The following UIMC1 variants were observed in gnomAD, a reference collection of about 807,000 sequenced individuals.
UIMC1 encodes the protein ubiquitin interaction motif containing 1, also known as BRCA1-A complex subunit RAP80.
In UIMC1, 42 loss-of-function variants were observed where a neutral mutation model predicts 84.9. The observed-to-expected ratio is 0.49, with a 90% CI of 0.39 to 0.64. UIMC1 has a LOEUF of 0.64. UIMC1 is among the 30% of genes least tolerant of loss of function. UIMC1 has a pLI of 0.00. For synonymous variants in UIMC1, 281 were observed against 293.0 expected (o/e 0.96, Z 0.42); for missense variants, 825 against 847.6 (o/e 0.97, Z 0.33).
intron 10 of UIMC1, among the ~76,000 whole-genome samples, chr5:176,941,710 G>C (rs1175012287): frequency 6.6e-6 from 1 of 152,164 alleles, no homozygotes; most frequent in Non-Finnish European, 1.5e-5. Flanking sequence ...ACCACAGAGA[G>C]CTGTGCTGAC....
chr5:176,913,093 G>A (rs1336416920), intron 10 of UIMC1, among the ~76,000 whole-genome samples: 2 of 152,160 alleles, frequency 1.3e-5, no homozygotes, highest in Non-Finnish European at 2.9e-5. Flanking sequence ...CTTTCCACAA[G>A]TCACCTCTTT....
intron 1 of UIMC1, among the ~76,000 whole-genome samples, chr5:176,987,371 C>A (rs1002787357): frequency 2.0e-5 from 3 of 151,666 alleles, no homozygotes; most frequent in African/African-American, 7.3e-5. Context: ...TCTGGCTGGG[C>A]ACAGTGGCTC....
chr5:176,968,187 C>A (rs994608399), intron 6 of UIMC1, among the ~76,000 whole-genome samples: 1 of 152,120 alleles, frequency 6.6e-6, no homozygotes, highest in Non-Finnish European at 1.5e-5. Flanking sequence ...GCCTAGCCAA[C>A]AGGGTAAAAC....
intron 10 of UIMC1, among the ~76,000 whole-genome samples, chr5:176,937,046 C>T (rs1040158781): frequency 3.3e-5 from 5 of 152,120 alleles, no homozygotes; most frequent in African/African-American, 1.2e-4. Context: ...ACAATAAATA[C>T]GTATTGAATG....
chr5:176,937,263 G>A (rs530477874), intron 10 of UIMC1, among the ~76,000 whole-genome samples: 10 of 152,296 alleles, frequency 6.6e-5, no homozygotes, highest in Admixed American at 1.3e-4. Flanking sequence ...TAGGGAGGCC[G>A]AGGTGGGCAG....
intron 6 of UIMC1, among the ~76,000 whole-genome samples, chr5:176,960,050 G>A (rs1449171247): frequency 6.6e-6 from 1 of 152,206 alleles, no homozygotes; most frequent in Non-Finnish European, 1.5e-5. Context: ...CAAAATTATT[G>A]TGCTTCTATT....
chr5:176,990,804 G>A (rs12187632), intron 1 of UIMC1, among the ~76,000 whole-genome samples: 19,766 of 151,742 alleles, frequency 0.13, 1,671 homozygotes, highest in East Asian at 0.19. Flanking sequence ...TTCCCAGGTA[G>A]GTAGGACTAC....
At chr5:176,922,741 G>A (rs1761858843) in intron 10 of UIMC1, among the ~76,000 whole-genome samples, 1 of 152,184 alleles carries the variant, frequency 6.6e-6, no homozygotes, top group South Asian at 2.1e-4. Context: ...TGGGTCAGAA[G>A]ATATGAATTA....
chr5:176,969,446 G>A, intron 5 of UIMC1, 155 bp from the exon 6 acceptor site: 3 of 1,257,264 alleles, frequency 2.4e-6, no homozygotes, highest in Non-Finnish European at 3.3e-6. Flanking sequence ...ATAAAAGTAT[G>A]CCGGATATTC....
chr5:176,970,591 A>G, intron 4 of UIMC1, 151 bp downstream of exon 4: 2 of 1,258,580 alleles, frequency 1.6e-6, no homozygotes, highest in Non-Finnish European at 2.3e-6. Flanking sequence ...CCAACAATTC[A>G]ACACAGACTT....
intron 8 of UIMC1, among the ~76,000 whole-genome samples, chr5:176,955,185 C>A (rs1766439957): frequency 6.6e-6 from 1 of 152,174 alleles, no homozygotes; most frequent in Admixed American, 6.5e-5. Context: ...TGGTAAGTAT[C>A]TTAGTTCATT....
At chr5:176,972,635 C>G (rs549389894) in intron 3 of UIMC1, among the ~76,000 whole-genome samples, 2 of 152,126 alleles carry the variant, frequency 1.3e-5, no homozygotes, top group South Asian at 4.1e-4. Context: ...ACTCGGGAGG[C>G]TGAGGTAGGA....
In UIMC1 at chr5:176,905,226, T is replaced by TAGG; in HGVS notation, c.*55_*56insCCT. ...TGAACTAGGGACCACTATGGCTTAA[T>TAGG]GAACATGGCCCACCCCTCCTACTAA... On this transcript the variant is annotated 3_prime_UTR_variant, in exon 15 of 15. Transcript: ENST00000511320. The TAGG allele has an allele frequency of 1.3e-6, 2 of 1,584,438 alleles. No homozygotes were observed. Among genetic ancestry groups the TAGG allele is most frequent in the Admixed American group, 1.7e-5 (1 of 58,114 alleles).
At chr5:177,004,963 G>A (rs1212608973) in intron 1 of UIMC1, among the ~76,000 whole-genome samples, 1 of 152,116 alleles carries the variant, frequency 6.6e-6, no homozygotes, top group Non-Finnish European at 1.5e-5. Flanking sequence ...AGTGCAGTAG[G>A]GCAATCAGCC....
At chr5:177,019,617 C>T (rs889442121) in intron 1 of UIMC1, among the ~76,000 whole-genome samples, 7 of 145,186 alleles carry the variant, frequency 4.8e-5, no homozygotes, top group African/African-American at 1.8e-4. Context: ...ACTAGTGAGA[C>T]CCTGTCTCGG....
At chr5:176,985,793 T>C (rs1264601805) in intron 1 of UIMC1, among the ~76,000 whole-genome samples, 1 of 152,106 alleles carries the variant, frequency 6.6e-6, no homozygotes, top group African/African-American at 2.4e-5. Flanking sequence ...TTTTATTCCT[T>C]ATAAGATAGG....
At chr5:176,929,946 A>T (rs1019874761) in intron 10 of UIMC1, among the ~76,000 whole-genome samples, 1 of 152,238 alleles carries the variant, frequency 6.6e-6, no homozygotes, top group Non-Finnish European at 1.5e-5. Flanking sequence ...AATAGTAAGT[A>T]AGTTTCATAT....
chr5:176,963,823 C>T (rs1767895445), intron 6 of UIMC1, among the ~76,000 whole-genome samples: 2 of 151,444 alleles, frequency 1.3e-5, no homozygotes, highest in Non-Finnish European at 2.9e-5. Context: ...GTTCTCACAA[C>T]CCCACACAAT....
chr5:177,012,722 GAAACC>G, intron 1 of UIMC1, among the ~76,000 whole-genome samples: 1 of 151,528 alleles, frequency 6.6e-6, no homozygotes, highest in Non-Finnish European at 1.5e-5. Flanking sequence ...CACACAAAAA[GAAACC>G]ACACTGAATC....
Sources: gnomAD v4.1 joint callset for allele counts (sites outside exome capture counted in the v4.1 genomes callset) on GRCh38, gnomAD v4.1.1 for gene constraint, MANE v1.5 for transcripts, NCBI Gene and HGNC (gene_info 2026-07-23, HGNC 2026-07-21) for gene names.